GNPTG: variants seen among roughly 807,000 people sequenced by gnomAD.
The protein encoded by GNPTG is N-acetylglucosamine-1-phosphate transferase subunit gamma, also known as N-acetylglucosamine-1-phosphotransferase subunit gamma.
In GNPTG, 46 loss-of-function variants were observed where a neutral mutation model predicts 43.8. The ratio of observed to expected loss-of-function variants is 1.05; its 90% CI spans 0.83 to 1.34. The LOEUF (loss-of-function observed/expected upper bound fraction) is 1.34. Ranked by LOEUF, GNPTG falls within the 40% of genes most tolerant of loss-of-function variation. The pLI, the probability that GNPTG is intolerant of heterozygous loss-of-function variation, is 0.00. For missense variants in GNPTG, 549 were observed against 411.3 expected, an observed-to-expected ratio of 1.33 and a Z score of -2.90; for synonymous variants, 250 against 172.8, an observed-to-expected ratio of 1.45 and a Z score of -3.50.
rs1453985493 is a variant in GNPTG, at chr16:1,361,860, C to CTG, written c.234-8_234-7dup. On this transcript the variant is annotated splice_polypyrimidine_tract_variant and intron_variant, in intron 4 of 10. Transcript: ENST00000204679. The stretch of plus-strand genomic sequence containing the variant: ...AGCCTGCGGACCCCCCTCATGCCAT[C>CTG]TGTGTCCCCAGGTACAAGTATGAGT... 1.2e-6 allele frequency: 2 copies of CTG among 1,613,872 alleles called. No individual in the cohort carries two copies. Among genetic ancestry groups the CTG allele is most frequent in the Non-Finnish European group, 1.7e-6 (2 of 1,180,040 alleles).
intron 8 of GNPTG, 25 bp downstream of exon 8, chr16:1,362,559 CTGGTGGGCCT>C (rs749567145): frequency 8.1e-6 from 13 of 1,614,056 alleles, no homozygotes; most frequent in African/African-American, 1.3e-5. Flanking sequence ...GGGGTGGCCC[CTGGTGGGCCT>C]GGCTGGGAGC....
In GNPTG at chr16:1,363,119, G is replaced by A. The variant is rs374497551; in HGVS notation, c.*28G>A. 39 of 1,598,324 alleles carry A rather than the reference G, an allele frequency of 2.4e-5. No homozygotes were observed. Among genetic ancestry groups the A allele is most frequent in the Middle Eastern group, 1.7e-4 (1 of 6,030 alleles). On this transcript the variant is annotated 3_prime_UTR_variant, in exon 11 of 11. Transcript: ENST00000204679. ...TTGTGGTGGGAGAGCAGAGGTGGAC[G>A]CGGCCGAGAGCCCTACAGAGAAGCT...
chr16:1,362,559 C>T (rs2034922094), intron 8 of GNPTG, 25 bp downstream of exon 8: 1 of 1,614,174 alleles, frequency 6.2e-7, no homozygotes, highest in Non-Finnish European at 8.5e-7. Flanking sequence ...GGGGTGGCCC[C>T]TGGTGGGCCT....
intron 3 of GNPTG, chr16:1,358,519 T>C (rs1567182141): frequency 6.6e-6 from 1 of 152,180 alleles, no homozygotes; most frequent in Non-Finnish European, 1.5e-5. Context: ...CATCTGTCCA[T>C]GGACACTGGA....
chr16:1,361,566 C>G, intron 3 of GNPTG, 177 bp from the exon 4 acceptor site: 1 of 656,784 alleles, frequency 1.5e-6, no homozygotes, highest in South Asian at 1.7e-5. Flanking sequence ...ATGGCGTGAA[C>G]ATGGGAGGCG....
Position 1,352,088 on chromosome 16 carries a change from C to A in GNPTG, c.53-14C>A, listed in dbSNP as rs1174612692. ...GCACCCCGGCCTCCCCGCTCACGGTCTCGCTCCCCGTAGGGCCCGCGCCGG... is the reference window on the plus strand; with the variant it reads ...GCACCCCGGCCTCCCCGCTCACGGTATCGCTCCCCGTAGGGCCCGCGCCGG... On this transcript the variant is annotated splice_polypyrimidine_tract_variant and intron_variant, in intron 1 of 10. Transcript: ENST00000204679. The A allele has an allele frequency of 6.4e-7, 1 of 1,559,048 alleles. No homozygotes were observed. The highest frequency in any genetic ancestry group is 8.7e-7 in the Non-Finnish European group (1 of 1,153,368).
intron 3 of GNPTG, among the ~76,000 whole-genome samples, chr16:1,355,425 AG>A (rs1191443638): frequency 6.6e-6 from 1 of 151,684 alleles, no homozygotes; most frequent in Admixed American, 6.6e-5. Context: ...CCCGCAGAAG[AG>A]TGTCTGCCAA....
chr16:1,362,950 G>A (rs761136719), intron 10 of GNPTG, 44 bp downstream of exon 10: 129 of 1,612,650 alleles, frequency 8.0e-5, no homozygotes, highest in South Asian at 5.5e-4. Context: ...CATCACACTC[G>A]CCACCTGTGG....
chr16:1,363,270 T>C lies in GNPTG; in HGVS notation c.*179T>C, dbSNP rs926889574. Reference sequence around the variant, plus strand: ...TAACTCCATGAATTCTGTAAACCATTGCATAAATGCTATAGTGTAAAAAAA... The same window carrying C: ...TAACTCCATGAATTCTGTAAACCATCGCATAAATGCTATAGTGTAAAAAAA... On this transcript the variant is annotated 3_prime_UTR_variant, in exon 11 of 11. Coordinates refer to ENST00000204679, the MANE Select transcript of GNPTG (RefSeq NM_032520.5). 3.1e-6 allele frequency: 2 copies of C among 651,378 alleles called. No homozygotes were observed. The highest frequency in any genetic ancestry group is 5.5e-6 in the Non-Finnish European group (2 of 364,390). 40.3% of individuals were successfully genotyped at this position (651,378 alleles called of 1,614,324 possible).
At chr16:1,361,568 T>G (rs576172956) in intron 3 of GNPTG, 175 bp from the exon 4 acceptor site, 38 of 656,492 alleles carry the variant, frequency 5.8e-5, no homozygotes, top group Non-Finnish European at 7.0e-5. Context: ...GGCGTGAACA[T>G]GGGAGGCGGA....
intron 3 of GNPTG, among the ~76,000 whole-genome samples, chr16:1,356,026 G>T (rs1241556980): frequency 1.3e-5 from 2 of 152,006 alleles, no homozygotes; most frequent in East Asian, 3.9e-4. Flanking sequence ...GTGGAGGTTG[G>T]GAGGGTACTG....
intron 3 of GNPTG, among the ~76,000 whole-genome samples, chr16:1,358,672 T>C (rs1450196133): frequency 6.6e-6 from 1 of 152,124 alleles, no homozygotes; most frequent in Non-Finnish European, 1.5e-5. Flanking sequence ...ACCAAACTGT[T>C]TGCATAGTGG....
intron 3 of GNPTG, among the ~76,000 whole-genome samples, chr16:1,353,673 G>A (rs1198994714): frequency 6.6e-6 from 1 of 152,096 alleles, no homozygotes; most frequent in Admixed American, 6.5e-5. Flanking sequence ...ACAGGTGCAC[G>A]CCACCATGCC....
At chr16:1,358,473 C>T (rs936449988) in intron 3 of GNPTG, 3 of 152,146 alleles carry the variant, frequency 2.0e-5, no homozygotes, top group African/African-American at 7.2e-5. Flanking sequence ...GAGGACTGTT[C>T]CACTGCAAGG....
At chr16:1,361,696 C>T (rs1327602514) in intron 3 of GNPTG, 47 bp from the exon 4 acceptor site, 6 of 1,601,836 alleles carry the variant, frequency 3.7e-6, no homozygotes, top group East Asian at 4.5e-5. Context: ...TCTTTGCAGA[C>T]AGGTTCTGTG....
intron 3 of GNPTG, 116 bp downstream of exon 3, chr16:1,352,422 G>A: frequency 9.4e-7 from 1 of 1,059,638 alleles, no homozygotes; most frequent in Non-Finnish European, 1.4e-6. Flanking sequence ...TGGTTTGTCA[G>A]CCTTCTAAAA....
Position 1,362,751 on chromosome 16 carries a change from T to G in GNPTG, c.741+9T>G, listed in dbSNP as rs372832123. The G allele has an allele frequency of 1.3e-5, 21 of 1,613,912 alleles. No individual in the cohort carries two copies. The highest frequency in any genetic ancestry group is 1.8e-5 in the Non-Finnish European group (21 of 1,180,010). On this transcript the variant is annotated intron_variant, in intron 9 of 10. Coordinates refer to ENST00000204679, the MANE Select transcript of GNPTG (RefSeq NM_032520.5). ...TGGAAAACTGCAGGAAGGTACCGTATTGGGGGGAGGTGGTGGCACGCAGTA... is the reference window on the plus strand; with the variant it reads ...TGGAAAACTGCAGGAAGGTACCGTAGTGGGGGGAGGTGGTGGCACGCAGTA...
rs763430254 is a variant in GNPTG at position 1,361,725 on chromosome 16, G to A, written c.179-18G>A. The A allele has an allele frequency of 2.9e-5, 47 of 1,613,806 alleles. No individual in the cohort carries two copies. The highest frequency in any genetic ancestry group is 3.4e-5 in the Non-Finnish European group (40 of 1,179,876). On this transcript the variant is annotated intron_variant, in intron 3 of 10. Transcript: ENST00000204679. ...TTCTGTGCTTGGACCCTGGGGATCA[G>A]TGTGAGGTCTCTTCCAGGACCCGTG... is the stretch of plus-strand genomic sequence containing the variant.
In GNPTG at chr16:1,351,961, G is replaced by A; in HGVS notation, c.-5G>A. ...ACGTGACCGCGCGGCGGCCGCTGCG[G>A]CGCGATGGCGGCGGGGCTGGCGCGG... On this transcript the variant is annotated 5_prime_UTR_variant, in exon 1 of 11. Transcript: ENST00000204679. The A allele has an allele frequency of 7.7e-7, 1 of 1,297,246 alleles. No homozygotes were observed. The highest frequency in any genetic ancestry group is 9.7e-7 in the Non-Finnish European group (1 of 1,027,946). The allele number at this position is 1,297,246 out of a possible 1,614,324, so 80.4% of individuals were successfully genotyped here. A position where few individuals can be genotyped will look rare whatever the true frequency, so the allele number is the denominator to read the frequency against.
Sources: gnomAD v4.1 joint callset for allele counts (sites outside exome capture counted in the v4.1 genomes callset) on GRCh38, gnomAD v4.1.1 for gene constraint, MANE v1.5 for transcripts, NCBI Gene and HGNC (gene_info 2026-07-23, HGNC 2026-07-21) for gene names.